The following ACOT8 variants were observed in gnomAD, a reference collection of about 807,000 sequenced individuals.
ACOT8 encodes the protein acyl-CoA thioesterase 8, also known as acyl-coenzyme A thioesterase 8.
ACOT8 carries 31 observed loss-of-function variants against 38.4 expected under a neutral mutation model. That is an observed-to-expected ratio of 0.81 (90% CI 0.61 to 1.09). The LOEUF (loss-of-function observed/expected upper bound fraction) is 1.09, where lower values mean the gene tolerates loss of function less well. ACOT8 is among the 50% of genes least tolerant of loss of function. The pLI, the probability that ACOT8 is intolerant of heterozygous loss-of-function variation, is 0.00. For missense variants in ACOT8, 373 were observed against 421.8 expected, an observed-to-expected ratio of 0.88 and a Z score of 1.01; for synonymous variants, 158 against 170.3, an observed-to-expected ratio of 0.93 and a Z score of 0.56.
chr20:45,847,698 C>A (rs1469665199), intron 3 of ACOT8: 1 of 150,634 alleles, frequency 6.6e-6, no homozygotes, highest in African/African-American at 2.4e-5. Flanking sequence ...TCACTGCACT[C>A]CAGCCTGGGC....
intron 3 of ACOT8, among the ~76,000 whole-genome samples, chr20:45,847,441 GT>G (rs138383309): frequency 1.0e-4 from 15 of 150,678 alleles, no homozygotes; most frequent in East Asian, 7.9e-4. Flanking sequence ...TATATATATG[GT>G]TTTTTTTCCC....
intron 2 of ACOT8, 129 bp from the exon 3 acceptor site, chr20:45,848,804 C>T: frequency 2.5e-6 from 2 of 811,626 alleles, no homozygotes; most frequent in Non-Finnish European, 3.7e-6. Context: ...TGCTAAGGTC[C>T]AGGCCCAGGG....
Position 45,844,328 on chromosome 20 carries a change from G to A in ACOT8, c.581C>T (p.Pro194Leu). The stretch of plus-strand genomic sequence containing the variant: ...CTCCATTCTCTGCAGCTGGCTCAGG[G>A]GGGATGGGTTTACTGGCTTGATCTC... Reference protein sequence around the residue: ...PIEIKPVNPSPLSQLQRMEPK... With the variant: ...PIEIKPVNPSLLSQLQRMEPK... Residue 194 changes from proline (P) to leucine (L), a missense_variant, in exon 4 of 6, where the codon CCC becomes CTC. Physicochemically the swap from Pro to Leu is moderately conservative, Grantham distance 98 (BLOSUM62 -3). Coordinates refer to ENST00000217455, the MANE Select transcript of ACOT8 (RefSeq NM_005469.4). The A allele has an allele frequency of 6.2e-7, 1 of 1,614,206 alleles. No individual in the cohort carries two copies. The highest frequency in any genetic ancestry group is 8.5e-7 in the Non-Finnish European group (1 of 1,180,038).
intron 2 of ACOT8, among the ~76,000 whole-genome samples, chr20:45,854,222 C>G (rs1051587133): frequency 1.1e-5 from 1 of 90,328 alleles, no homozygotes; most frequent in African/African-American, 3.2e-5. Context: ...GACAGAGTCT[C>G]GCTCTGTTGC....
At position 45,855,303 on chromosome 20, in the gene ACOT8, AG is replaced by A. The variant is rs751549663; in HGVS notation, c.129-12del. ...CAGTAATGCCTTCCTCTGTAGGGAG[AG>A]GGGGAAAGAGGGAAAGACTTGGGAA... On this transcript the variant is annotated splice_polypyrimidine_tract_variant and intron_variant, in intron 1 of 5. Transcript: ENST00000217455. The A allele has an allele frequency of 3.5e-5, 56 of 1,613,598 alleles. No homozygotes were observed. The highest frequency in any genetic ancestry group is 2.7e-4 in the South Asian group (25 of 91,076).
intron 1 of ACOT8, among the ~76,000 whole-genome samples, chr20:45,856,223 C>T (rs1253107272): frequency 6.6e-6 from 1 of 152,360 alleles, no homozygotes; most frequent in South Asian, 2.1e-4. Flanking sequence ...ATGTTCGTGC[C>T]ACTGCACTCC....
chr20:45,857,179 G>C lies in ACOT8; in HGVS notation c.128+9C>G. The stretch of plus-strand genomic sequence containing the variant: ...AAGGAGGGGATGCTGGGCAGGAGCT[G>C]CCGGCTACCTGAAGAGATCCTCGTC... On this transcript the variant is annotated intron_variant, in intron 1 of 5. Transcript: ENST00000217455. 6.2e-7 allele frequency: 1 copy of C among 1,609,390 alleles called. No homozygotes were observed. Among genetic ancestry groups the C allele is most frequent in the Non-Finnish European group, 8.5e-7 (1 of 1,176,962 alleles).
chr20:45,856,715 T>C (rs563004413), intron 1 of ACOT8, among the ~76,000 whole-genome samples: 8 of 152,314 alleles, frequency 5.3e-5, no homozygotes, highest in African/African-American at 1.7e-4. Context: ...AGTCAAGAAC[T>C]TCAGCGATGC....
At chr20:45,857,039 T>G in intron 1 of ACOT8, 149 bp downstream of exon 1, 1 of 925,044 alleles carries the variant, frequency 1.1e-6, no homozygotes, top group Non-Finnish European at 1.6e-6. Flanking sequence ...AGGACAGCTC[T>G]GTTGGGGGCG....
intron 2 of ACOT8, among the ~76,000 whole-genome samples, chr20:45,851,078 G>C (rs1179646068): frequency 6.6e-6 from 1 of 152,162 alleles, no homozygotes; most frequent in South Asian, 2.1e-4. Flanking sequence ...GAAAGAAGCA[G>C]GTCTAGAGAA....
intron 5 of ACOT8, chr20:45,843,142 C>T: frequency 5.1e-6 from 4 of 789,808 alleles, no homozygotes; most frequent in Non-Finnish European, 6.9e-6. Flanking sequence ...GAAAAGGCAT[C>T]CCCAAATGGC....
At chr20:45,851,986 CTCT>C (rs1405641701) in intron 2 of ACOT8, among the ~76,000 whole-genome samples, 1 of 151,440 alleles carries the variant, frequency 6.6e-6, no homozygotes, top group Non-Finnish European at 1.5e-5. Flanking sequence ...ATTGAAACAT[CTCT>C]TTTTTGTTTT....
chr20:45,845,825 T>C (rs1284749421), intron 3 of ACOT8, among the ~76,000 whole-genome samples: 1 of 149,400 alleles, frequency 6.7e-6, no homozygotes, highest in Non-Finnish European at 1.5e-5. Context: ...CTACTGACTT[T>C]GGTTTTTTTT....
intron 2 of ACOT8, among the ~76,000 whole-genome samples, chr20:45,849,420 G>T (rs186614478): frequency 6.6e-6 from 1 of 151,844 alleles, no homozygotes; most frequent in Admixed American, 6.6e-5. Context: ...GAGTGGGGGG[G>T]GACTACAGGG....
chr20:45,855,122 A>C (rs1047576907), intron 2 of ACOT8, 37 bp downstream of exon 2: 1 of 1,608,564 alleles, frequency 6.2e-7, no homozygotes, highest in African/African-American at 1.3e-5. Context: ...CTGCTGGGCC[A>C]CCAGGGTTGG....
chr20:45,843,717 C>T lies in ACOT8; in HGVS notation c.651G>A (p.Glu217=), dbSNP rs769955280. 6.2e-7 allele frequency: 1 copy of T among 1,605,812 alleles called. No homozygotes were observed. The highest frequency in any genetic ancestry group is 8.5e-7 in the Non-Finnish European group (1 of 1,173,468). ...CGCAGCAGTGCATCTTCATGTCGCC[C>T]TCGCCTGCAACAGGTCCCCATCAGC... ...FWVRARGYIG[E]GDMKMHCCVA... is the part of the protein sequence containing the mutation. Residue 217 remains glutamate, a synonymous_variant, in exon 5 of 6, where the codon GAG becomes GAA. Coordinates refer to ENST00000217455, the MANE Select transcript of ACOT8 (RefSeq NM_005469.4).
intron 2 of ACOT8, among the ~76,000 whole-genome samples, chr20:45,853,078 T>C (rs906841411): frequency 2.0e-5 from 3 of 152,336 alleles, no homozygotes; most frequent in Middle Eastern, 3.4e-3. Context: ...CAAATAATTA[T>C]TTATTTTGAA....
In ACOT8 at chr20:45,855,168, C is replaced by A. The variant is rs1055414077; in HGVS notation, c.253G>T (p.Val85Phe). ...VHVHSLHCYF[V>F]RAGDPKLPVL... ...GAAGTGGGGGGTTTACCTGCCCGAA[C>A]AAAGTAGCAGTGCAGGGAGTGCACG... Residue 85 changes from valine (V) to phenylalanine (F), a missense_variant, in exon 2 of 6, where the codon GTT (valine) becomes TTT (phenylalanine). Coordinates refer to ENST00000217455, the MANE Select transcript of ACOT8 (RefSeq NM_005469.4). The A allele has an allele frequency of 1.2e-6, 2 of 1,613,772 alleles. No homozygotes were observed. Among genetic ancestry groups the A allele is most frequent in the Non-Finnish European group, 1.7e-6 (2 of 1,179,918 alleles).
chr20:45,842,625 AT>A (rs1984312324), intron 5 of ACOT8: 11 of 992,530 alleles, frequency 1.1e-5, no homozygotes, highest in Non-Finnish European at 1.3e-5. Context: ...TATGAGGATG[AT>A]TGCTGGTTTC....
Sources: allele counts gnomAD v4.1 joint callset (sites outside exome capture counted in the v4.1 genomes callset), GRCh38; gene constraint gnomAD v4.1.1; transcripts MANE v1.5; gene names NCBI Gene and HGNC (gene_info 2026-07-23, HGNC 2026-07-21).